Variants in LRRC28 observed in about 807,000 individuals in gnomAD.
LRRC28 encodes the protein leucine-rich repeat-containing protein 28.
LRRC28 carries 39 observed loss-of-function variants against 45.7 expected under a neutral mutation model. The observed-to-expected ratio is 0.85, with a 90% confidence interval of 0.66 to 1.12. The LOEUF (loss-of-function observed/expected upper bound fraction) is 1.12, where lower values mean the gene tolerates loss of function less well. Among genes scored for constraint, LRRC28 ranks in the 50% most tolerant of loss-of-function variants. LRRC28 has a pLI of 0.00. For synonymous variants in LRRC28, 206 were observed against 178.8 expected, an observed-to-expected ratio of 1.15 and a Z score of -1.22; for missense variants, 435 against 438.5, an observed-to-expected ratio of 0.99 and a Z score of 0.07.
chr15:99,287,354 A>G, intron 4 of LRRC28, 60 bp downstream of exon 4: 2 of 1,258,512 alleles, frequency 1.6e-6, no homozygotes, highest in Non-Finnish European at 2.1e-6. Flanking sequence ...TGCTTTATAA[A>G]TAGATCAAAT....
In LRRC28 at chr15:99,386,850, A is replaced by T. The variant is rs1398920093; in HGVS notation, c.*748A>T. On this transcript the variant is annotated 3_prime_UTR_variant, in exon 10 of 10. Transcript: ENST00000301981. ...TAAATTTCCTGATAAGATTTTTTTT[A>T]TATGAGAAGAATTTGAGGAATATTT... 2 of 152,108 alleles carry T rather than the reference A, an allele frequency of 1.3e-5. No individual in the cohort carries two copies. Among genetic ancestry groups the T allele is most frequent in the Non-Finnish European group, 2.9e-5 (2 of 68,002 alleles). 9.4% of individuals were successfully genotyped at this position (152,108 alleles called of 1,614,324 possible).
At chr15:99,347,534 A>G (rs1956733108) in intron 6 of LRRC28, among the ~76,000 whole-genome samples, 1 of 152,222 alleles carries the variant, frequency 6.6e-6, no homozygotes, top group African/African-American at 2.4e-5. Flanking sequence ...GAGACTGTGC[A>G]ATATTTTTCT....
chr15:99,312,028 T>TA (rs540978427), intron 5 of LRRC28, among the ~76,000 whole-genome samples: 8 of 152,080 alleles, frequency 5.3e-5, no homozygotes, highest in Admixed American at 1.3e-4. Context: ...GAATACTCAC[T>TA]AAAAAAACCC....
At chr15:99,252,354 AGATTTT>A (rs1184472093) in intron 1 of LRRC28, among the ~76,000 whole-genome samples, 1 of 152,314 alleles carries the variant, frequency 6.6e-6, no homozygotes, top group African/African-American at 2.4e-5. Context: ...TCATTTGTTT[AGATTTT>A]ATCTCCCAAA....
chr15:99,285,463 G>A (rs558067234), intron 3 of LRRC28: 196 of 853,852 alleles, frequency 2.3e-4, no homozygotes, highest in Admixed American at 7.3e-4. Flanking sequence ...GTCCGTGAGC[G>A]TTCCCCATTG....
At position 99,386,494 on chromosome 15, in the gene LRRC28, T is replaced by A. The variant is rs2152564115; in HGVS notation, c.*392T>A. On this transcript the variant is annotated 3_prime_UTR_variant, in exon 10 of 10. Transcript: ENST00000301981. ...TCCTCTCCTCTCCCCTCCCTTGCTT[T>A]CCCCAGAGAGTTATTTCCCTGAGAC... 1 of 161,692 alleles carries A rather than the reference T, an allele frequency of 6.2e-6. No individual in the cohort carries two copies. Among genetic ancestry groups the A allele is most frequent in the East Asian group, 1.7e-4 (1 of 5,774 alleles). 10.0% of individuals were successfully genotyped at this position (161,692 alleles called of 1,614,324 possible).
At chr15:99,375,667 G>T (rs1257502252) in intron 9 of LRRC28, among the ~76,000 whole-genome samples, 1 of 152,078 alleles carries the variant, frequency 6.6e-6, no homozygotes, top group Admixed American at 6.6e-5. Context: ...TATTCAGGTT[G>T]TCTATTTCAT....
intron 5 of LRRC28, among the ~76,000 whole-genome samples, chr15:99,289,562 C>A (rs2152214727): frequency 6.6e-6 from 1 of 152,250 alleles, no homozygotes; most frequent in East Asian, 1.9e-4. Context: ...ACAGAAATGT[C>A]TAAATTAAAA....
chr15:99,272,906 A>G (rs1279168778), intron 2 of LRRC28, among the ~76,000 whole-genome samples: 1 of 152,210 alleles, frequency 6.6e-6, no homozygotes, highest in Non-Finnish European at 1.5e-5. Context: ...AAAACATTAA[A>G]AAACTTCATA....
chr15:99,324,837 G>C (rs185741828), intron 5 of LRRC28, among the ~76,000 whole-genome samples: 26 of 152,182 alleles, frequency 1.7e-4, no homozygotes, highest in African/African-American at 5.8e-4. Flanking sequence ...GATTGGGAGT[G>C]GTGTGAAAAG....
chr15:99,258,383 G>A (rs978826193), intron 2 of LRRC28: 2 of 1,089,388 alleles, frequency 1.8e-6, no homozygotes, highest in Admixed American at 1.7e-5. Context: ...AAAAGAAAAA[G>A]CATTTGATTA....
At chr15:99,279,708 A>G (rs2081728056) in intron 3 of LRRC28, among the ~76,000 whole-genome samples, 1 of 152,200 alleles carries the variant, frequency 6.6e-6, no homozygotes, top group South Asian at 2.1e-4. Flanking sequence ...ACTGACGCTC[A>G]GTCATTTTTT....
chr15:99,259,104 T>C lies in LRRC28; in HGVS notation c.168+2979T>C, dbSNP rs2081114799. On this transcript the variant is annotated intron_variant, in intron 2 of 9. Transcript: ENST00000301981. ...GGTACCAACATTAAGCTTGGTGTAA[T>C]TGAAGACCACTCGAATCGAACATGT... is the stretch of plus-strand genomic sequence containing the variant. The C allele has an allele frequency of 3.8e-6, 5 of 1,299,790 alleles. No homozygotes were observed. The African/African-American group carries it at 4.4e-5, about 11-fold the overall frequency. 80.5% of individuals were successfully genotyped at this position (1,299,790 alleles called of 1,614,324 possible). A position where few individuals can be genotyped will look rare whatever the true frequency, so the allele number is the denominator to read the frequency against.
At chr15:99,340,338 A>C (rs1256431030) in intron 6 of LRRC28, among the ~76,000 whole-genome samples, 10 of 152,250 alleles carry the variant, frequency 6.6e-5, no homozygotes, top group Non-Finnish European at 1.3e-4. Flanking sequence ...AATGGCATAT[A>C]AAAGGCACAA....
intron 2 of LRRC28, among the ~76,000 whole-genome samples, chr15:99,256,829 A>C (rs2081036356): frequency 6.6e-6 from 1 of 152,240 alleles, no homozygotes; most frequent in African/African-American, 2.4e-5. Flanking sequence ...CAAGCTTTTT[A>C]TTCCTATTAT....
chr15:99,311,626 C>G (rs1008678719), intron 5 of LRRC28, among the ~76,000 whole-genome samples: 6 of 152,082 alleles, frequency 3.9e-5, no homozygotes, highest in Non-Finnish European at 8.8e-5. Flanking sequence ...GGTCATTGGT[C>G]TTTTTGTGGT....
chr15:99,373,171 A>G lies in LRRC28; in HGVS notation c.1031+9906A>G, dbSNP rs137994724. Among the ~76,000 whole-genome samples, 487 of 152,242 alleles carry G rather than the reference A, an allele frequency of 3.2e-3. 4 individuals carry two copies. Among genetic ancestry groups the G allele is most frequent in the African/African-American group, 0.011 (468 of 41,544 alleles). On this transcript the variant is annotated intron_variant, in intron 9 of 9. Coordinates refer to ENST00000301981, the MANE Select transcript of LRRC28 (RefSeq NM_144598.5). ...AAAAACTAAATGGCTGTGGTATGAA[A>G]TGTATCCCTTGTATGAATGATTTGC... is the stretch of plus-strand genomic sequence containing the variant.
rs1958115340 is a variant in LRRC28 at position 99,389,258 on chromosome 15, C to T, written c.*3156C>T. 1 of 152,096 alleles carries T rather than the reference C, an allele frequency of 6.6e-6. No individual in the cohort carries two copies. The highest frequency in any genetic ancestry group is 2.1e-4 in the South Asian group (1 of 4,822). The allele number at this position is 152,096 out of a possible 1,614,324, so 9.4% of individuals were successfully genotyped here. A position where few individuals can be genotyped will look rare whatever the true frequency, so the allele number is the denominator to read the frequency against. On this transcript the variant is annotated 3_prime_UTR_variant, in exon 10 of 10. Coordinates refer to ENST00000301981, the MANE Select transcript of LRRC28 (RefSeq NM_144598.5). The stretch of plus-strand genomic sequence containing the variant: ...TAATGTACCTCTCACTTCTGTTTTA[C>T]GTTGAGCATTACGAATTAAAATCTT...
At chr15:99,379,262 T>G (rs974225533) in intron 9 of LRRC28, among the ~76,000 whole-genome samples, 6 of 152,344 alleles carry the variant, frequency 3.9e-5, no homozygotes, top group Admixed American at 6.5e-5. Context: ...TGGTTTAGTC[T>G]TGGGAGGGTG....
Sources: gnomAD v4.1 joint callset for allele counts (sites outside exome capture counted in the v4.1 genomes callset) on GRCh38, gnomAD v4.1.1 for gene constraint, MANE v1.5 for transcripts, NCBI Gene and HGNC (gene_info 2026-07-23, HGNC 2026-07-21) for gene names.